Variants in HIBCH observed in about 807,000 individuals in gnomAD.
HIBCH encodes the protein 3-hydroxyisobutyryl-CoA hydrolase, mitochondrial.
In HIBCH, 50 loss-of-function variants were observed where a neutral mutation model predicts 58.2. The ratio of observed to expected loss-of-function variants is 0.86; its 90% CI spans 0.68 to 1.09. The LOEUF (loss-of-function observed/expected upper bound fraction) is 1.09. Ranked by LOEUF, HIBCH falls within the 50% of genes least tolerant of loss-of-function variation. The pLI, the probability that HIBCH is intolerant of heterozygous loss-of-function variation, is 0.00. For synonymous variants in HIBCH, 151 were observed against 146.9 expected, an observed-to-expected ratio of 1.03 and a Z score of -0.20; for missense variants, 450 against 449.7, an observed-to-expected ratio of 1.00 and a Z score of -0.01.
At chr2:190,195,149 T>C (rs1431372862) in intron 1 of HIBCH, among the ~76,000 whole-genome samples, 1 of 152,174 alleles carries the variant, frequency 6.6e-6, no homozygotes, top group African/African-American at 2.4e-5. Flanking sequence ...GGCGTGACTA[T>C]GCCCAGCCTA....
rs1050073047 is a variant in HIBCH at position 190,207,049 on chromosome 2, G to A, written c.1046-1817C>T. On this transcript the variant is annotated intron_variant, in intron 13 of 13. Transcript: ENST00000359678. This position sits in a 1 kb window ranked among gnomAD's most constrained non-coding sequence, Gnocchi z 4.5. ...AGGCAGGAGAATGGTGTGAACCCGG[G>A]AGGCGGAGTTTGCAGTGAGCCGAGA... Among the ~76,000 whole-genome samples the A allele has an allele frequency of 6.6e-6, 1 of 152,116 alleles. No individual in the cohort carries two copies. Among genetic ancestry groups the A allele is most frequent in the African/African-American group, 2.4e-5 (1 of 41,414 alleles).
intron 5 of HIBCH, among the ~76,000 whole-genome samples, chr2:190,288,331 A>T (rs1231431154): frequency 4.6e-5 from 7 of 151,738 alleles, no homozygotes; most frequent in Non-Finnish European, 1.0e-4. Flanking sequence ...ATTCATATGG[A>T]AGATCCAAAG....
chr2:190,221,855 A>G (rs1685728190), intron 11 of HIBCH, among the ~76,000 whole-genome samples: 2 of 152,198 alleles, frequency 1.3e-5, no homozygotes, highest in Admixed American at 1.3e-4. Context: ...GCCAGACTCC[A>G]GGGGAAGATT....
At chr2:190,253,561 C>T (rs917549838) in intron 7 of HIBCH, among the ~76,000 whole-genome samples, 4 of 152,164 alleles carry the variant, frequency 2.6e-5, no homozygotes, top group Non-Finnish European at 4.4e-5. Flanking sequence ...GACACCTTCT[C>T]GCACCATCCC....
rs940513118 is a variant in HIBCH, at chr2:190,207,277, T to G, written c.1045+1603A>C. On this transcript the variant is annotated intron_variant, in intron 13 of 13. Transcript: ENST00000359678. This position sits in a 1 kb window ranked among gnomAD's most constrained non-coding sequence, Gnocchi z 4.5. The stretch of plus-strand genomic sequence containing the variant: ...TTTAAAGAAGGGCTATTATAACATA[T>G]AATGAATACTTTAACAATATAACCC... 2.6e-5 allele frequency among the ~76,000 whole-genome samples: 4 copies of G among 152,214 alleles called. No individual in the cohort carries two copies. The highest frequency in any genetic ancestry group is 5.9e-5 in the Non-Finnish European group (4 of 68,044).
In HIBCH at chr2:190,211,398, T is replaced by C. The variant is rs1479824711; in HGVS notation, c.1011+1558A>G. Among the ~76,000 whole-genome samples the C allele has an allele frequency of 1.3e-5, 2 of 152,204 alleles. No homozygotes were observed. The highest frequency in any genetic ancestry group is 4.8e-5 in the African/African-American group (2 of 41,454). On this transcript the variant is annotated intron_variant, in intron 12 of 13. Transcript: ENST00000359678. The surrounding 1 kb of genome is among the most constrained non-coding windows in gnomAD (Gnocchi z 5.0). The stretch of plus-strand genomic sequence containing the variant: ...TGTCTCAAAACTACTATTTCACACC[T>C]GGATCACTGCAGGAAATCTATATCT...
At chr2:190,233,781 A>G (rs1267905131) in intron 11 of HIBCH, among the ~76,000 whole-genome samples, 1 of 152,260 alleles carries the variant, frequency 6.6e-6, no homozygotes, top group South Asian at 2.1e-4. Context: ...GCTCAACTTC[A>G]TTAATCAACA....
intron 2 of HIBCH, among the ~76,000 whole-genome samples, chr2:190,309,541 G>A (rs1208268754): frequency 6.6e-6 from 1 of 151,838 alleles, no homozygotes; most frequent in Non-Finnish European, 1.5e-5. Context: ...ACTGTCATAT[G>A]CCATGCACTA....
chr2:190,227,029 A>T (rs1685924756), intron 11 of HIBCH, among the ~76,000 whole-genome samples: 1 of 152,122 alleles, frequency 6.6e-6, no homozygotes, highest in Non-Finnish European at 1.5e-5. Context: ...ATTCAATGCC[A>T]TCCCCATCAA....
Position 190,304,834 on chromosome 2 carries a change from A to C in HIBCH, c.78+5920T>G, listed in dbSNP as rs1192198920. Among the ~76,000 whole-genome samples, 1 of 152,216 alleles carries C rather than the reference A, an allele frequency of 6.6e-6. No individual in the cohort carries two copies. The highest frequency in any genetic ancestry group is 1.5e-5 in the Non-Finnish European group (1 of 68,034). On this transcript the variant is annotated intron_variant, in intron 2 of 13. Coordinates refer to ENST00000359678, the MANE Select transcript of HIBCH (RefSeq NM_014362.4). The surrounding 1 kb of genome is among the most constrained non-coding windows in gnomAD (Gnocchi z 4.1). ...CTGAAGCAACTTATAGATTAAAACA[A>C]AGTATAAAGAACTAAAGCATTTAGA...
rs1575699105 is a variant in HIBCH at position 190,217,619 on chromosome 2, C to T, written c.892-4544G>A. 6.6e-6 allele frequency among the ~76,000 whole-genome samples: 1 copy of T among 152,182 alleles called. No individual in the cohort carries two copies. Among genetic ancestry groups the T allele is most frequent in the Admixed American group, 6.5e-5 (1 of 15,274 alleles). On this transcript the variant is annotated intron_variant, in intron 11 of 13. Coordinates refer to ENST00000359678, the MANE Select transcript of HIBCH (RefSeq NM_014362.4). This position sits in a 1 kb window ranked among gnomAD's most constrained non-coding sequence, Gnocchi z 4.6. ...ACACTGGGCATATCCTCTACCCTGT[C>T]ATCCCTTAGGTTAAAAAAACTTCTA...
chr2:190,200,328 C>T, downstream of HIBCH: 1 of 601,368 alleles, frequency 1.7e-6, no homozygotes, highest in Non-Finnish European at 3.0e-6. Flanking sequence ...ATGTTAACAG[C>T]AATTTCTGTT....
chr2:190,310,996 T>C, intron 1 of HIBCH, 200 bp from the exon 2 acceptor site: 3 of 693,610 alleles, frequency 4.3e-6, no homozygotes, highest in Non-Finnish European at 7.9e-6. Flanking sequence ...TATGGTAACT[T>C]TATTCATAAC....
chr2:190,255,924 A>G (rs1225665010), intron 7 of HIBCH, among the ~76,000 whole-genome samples: 2 of 152,162 alleles, frequency 1.3e-5, no homozygotes, highest in Admixed American at 1.3e-4. Context: ...TATAAAGGAA[A>G]GAGGTTTAAT....
rs1368940901 is a variant in HIBCH at position 190,209,123 on chromosome 2, T to G, written c.1012-210A>C. 6.6e-6 allele frequency among the ~76,000 whole-genome samples: 1 copy of G among 152,192 alleles called. No individual in the cohort carries two copies. Among genetic ancestry groups the G allele is most frequent in the South Asian group, 2.1e-4 (1 of 4,832 alleles). On this transcript the variant is annotated intron_variant, in intron 12 of 13. Transcript: ENST00000359678. The surrounding 1 kb of genome is among the most constrained non-coding windows in gnomAD (Gnocchi z 5.6). ...AAGTATCTCCACTGCTACAAATCAT[T>G]GATCTTACTGAGGTCCACAGATCCT...
intron 6 of HIBCH, among the ~76,000 whole-genome samples, chr2:190,284,404 C>G (rs1452775952): frequency 6.6e-6 from 1 of 152,078 alleles, no homozygotes; most frequent in Non-Finnish European, 1.5e-5. Flanking sequence ...AAGTTCTGCC[C>G]ACTTATAGCA....
rs1575745127 is a variant in HIBCH at position 190,279,337 on chromosome 2, A to T, written c.438+8249T>A. On this transcript the variant is annotated intron_variant, in intron 6 of 13. Transcript: ENST00000359678. This position sits in a 1 kb window ranked among gnomAD's most constrained non-coding sequence, Gnocchi z 4.2. Reference sequence around the variant, plus strand: ...TGGGGACAAATATTCAAACCGTAGCATTCCATCCCTGACCTCCCAAACTCA... The same window carrying T: ...TGGGGACAAATATTCAAACCGTAGCTTTCCATCCCTGACCTCCCAAACTCA... Among the ~76,000 whole-genome samples the T allele has an allele frequency of 6.6e-6, 1 of 152,248 alleles. No individual in the cohort carries two copies. The highest frequency in any genetic ancestry group is 1.5e-5 in the Non-Finnish European group (1 of 68,044).
chr2:190,308,488 A>ATTAATGAG (rs1224814455), intron 2 of HIBCH, among the ~76,000 whole-genome samples: 2 of 152,148 alleles, frequency 1.3e-5, no homozygotes, highest in Non-Finnish European at 2.9e-5. Context: ...AAATTAATGG[A>ATTAATGAG]TTAATGAGTT....
intron 11 of HIBCH, among the ~76,000 whole-genome samples, chr2:190,242,234 C>T (rs1686474851): frequency 6.6e-6 from 1 of 151,600 alleles, no homozygotes; most frequent in South Asian, 2.1e-4. Flanking sequence ...ATCCTTTCTT[C>T]TGCTTGATTG....
Sources: gnomAD v4.1 joint callset for allele counts (sites outside exome capture counted in the v4.1 genomes callset) on GRCh38, gnomAD v4.1.1 for gene constraint, Gnocchi (gnomAD v3.1) non-coding constraint, MANE v1.5 for transcripts, NCBI Gene and HGNC (gene_info 2026-07-23, HGNC 2026-07-21) for gene names.